Variants in ZGRF1 observed in about 807,000 individuals in gnomAD.
ZGRF1 encodes the protein zinc finger GRF-type containing 1.
In ZGRF1, 196 loss-of-function variants were observed where a neutral mutation model predicts 203.5. The observed-to-expected ratio is 0.96, with a 90% CI of 0.86 to 1.08. The LOEUF (loss-of-function observed/expected upper bound fraction) is 1.08. Ranked by LOEUF, ZGRF1 falls within the 50% of genes least tolerant of loss-of-function variation. ZGRF1 has a pLI of 0.00. For synonymous variants in ZGRF1, 809 were observed against 841.3 expected (o/e 0.96, Z 0.66); for missense variants, 2,326 against 2,416.3 (o/e 0.96, Z 0.78).
chr4:112,569,182 T>C (rs889020190), intron 16 of ZGRF1, among the ~76,000 whole-genome samples: 2 of 152,282 alleles, frequency 1.3e-5, no homozygotes, highest in Admixed American at 1.3e-4. Flanking sequence ...GTAGCCAAAT[T>C]ATTGTCCAAA....
At chr4:112,575,482 G>C (rs188464608) in intron 16 of ZGRF1, among the ~76,000 whole-genome samples, 45 of 152,264 alleles carry the variant, frequency 3.0e-4, no homozygotes, top group Non-Finnish European at 5.7e-4. Context: ...GTGAGGCATC[G>C]CCTCACCCGG....
At chr4:112,548,044 C>G (rs373434824) in intron 23 of ZGRF1, among the ~76,000 whole-genome samples, 1 of 152,074 alleles carries the variant, frequency 6.6e-6, no homozygotes, top group South Asian at 2.1e-4. Context: ...TGGGCTCAAA[C>G]AATCCTCCCA....
At chr4:112,621,731 A>AT (rs74975594) in intron 4 of ZGRF1, among the ~76,000 whole-genome samples, 88,728 of 148,868 alleles carry the variant, frequency 0.6, 27,064 homozygotes, top group East Asian at 0.86. Flanking sequence ...TAATGAAATG[A>AT]TTTTTTTTTC....
At chr4:112,552,239 T>C (rs55945271) in intron 22 of ZGRF1, among the ~76,000 whole-genome samples, 35,318 of 149,896 alleles carry the variant, frequency 0.24, 5,087 homozygotes, top group South Asian at 0.4. Context: ...ACTGCGCCAC[T>C]GCACTCCAGC....
chr4:112,609,748 A>G (rs1439396731), intron 7 of ZGRF1, among the ~76,000 whole-genome samples: 1 of 151,342 alleles, frequency 6.6e-6, no homozygotes. Flanking sequence ...CAGTGGGCCA[A>G]GATTGCGCCA....
rs190505502 is a variant in ZGRF1, at chr4:112,560,295, T to C, written c.4960+438A>G. On this transcript the variant is annotated intron_variant, in intron 19 of 27. Transcript: ENST00000505019. ...AAGGAAGGCAGGATATTGAAAGCAG[T>C]TTCTGTTATGACCTCCATTTCCTCT... 5.3e-5 allele frequency among the ~76,000 whole-genome samples: 8 copies of C among 152,292 alleles called. No homozygotes were observed. The East Asian group carries it at 1.2e-3, about 22-fold the overall frequency.
At position 112,611,332 on chromosome 4, in the gene ZGRF1, G is replaced by A. The variant is rs374469969; in HGVS notation, c.2667+1192C>T. On this transcript the variant is annotated intron_variant, in intron 7 of 27. Transcript: ENST00000505019. Reference sequence around the variant, plus strand: ...GCAGGAGAATCACTTGAACCTGGGAGATGGAGGCTGCAGTGAGCCAAGATC... The same window carrying A: ...GCAGGAGAATCACTTGAACCTGGGAAATGGAGGCTGCAGTGAGCCAAGATC... 1.7e-4 allele frequency among the ~76,000 whole-genome samples: 26 copies of A among 152,328 alleles called. No individual in the cohort carries two copies. The East Asian group carries it at 4.8e-3, about 28-fold the overall frequency.
At chr4:112,576,750 C>A (rs1279148584) in intron 16 of ZGRF1, among the ~76,000 whole-genome samples, 1 of 152,066 alleles carries the variant, frequency 6.6e-6, no homozygotes, top group Non-Finnish European at 1.5e-5. Context: ...AAGAAATGAA[C>A]CAAGCCTCCA....
At chr4:112,560,475 A>G (rs528774615) in intron 19 of ZGRF1, among the ~76,000 whole-genome samples, 71 of 152,208 alleles carry the variant, frequency 4.7e-4, no homozygotes, top group Non-Finnish European at 8.4e-4. Context: ...AGCAACATGT[A>G]AACATCTAGA....
intron 3 of ZGRF1, among the ~76,000 whole-genome samples, chr4:112,625,623 G>A (rs1292189365): frequency 1.3e-5 from 2 of 148,366 alleles, no homozygotes; most frequent in African/African-American, 5.0e-5. Context: ...CATGCCAGGC[G>A]TGGTGGCTCA....
chr4:112,607,378 CCT>C (rs1286571281), intron 8 of ZGRF1, among the ~76,000 whole-genome samples: 12 of 152,262 alleles, frequency 7.9e-5, no homozygotes, highest in East Asian at 5.8e-4. Flanking sequence ...AAATGATACC[CCT>C]GTCTTGGCTT....
intron 4 of ZGRF1, among the ~76,000 whole-genome samples, chr4:112,622,757 C>T (rs948764359): frequency 6.6e-6 from 1 of 152,088 alleles, no homozygotes. Context: ...CTTTAGTTCT[C>T]TTTCCATGCT....
At chr4:112,617,115 C>T (rs1040394832) in intron 6 of ZGRF1, among the ~76,000 whole-genome samples, 1 of 152,038 alleles carries the variant, frequency 6.6e-6, no homozygotes. Flanking sequence ...GACATATACA[C>T]ACACATACAT....
chr4:112,613,702 G>T (rs981890058), intron 6 of ZGRF1, among the ~76,000 whole-genome samples: 21 of 152,158 alleles, frequency 1.4e-4, no homozygotes, highest in African/African-American at 4.8e-4. Flanking sequence ...AGAAAAGTTG[G>T]CAAGCCTGCA....
chr4:112,575,588 G>A (rs773915806), intron 16 of ZGRF1, among the ~76,000 whole-genome samples: 13 of 152,312 alleles, frequency 8.5e-5, no homozygotes, highest in South Asian at 4.1e-4. Flanking sequence ...CTAATACTGC[G>A]CTTTTCCAAC....
At chr4:112,576,098 G>A (rs1171732298) in intron 16 of ZGRF1, among the ~76,000 whole-genome samples, 1 of 152,170 alleles carries the variant, frequency 6.6e-6, no homozygotes, top group Non-Finnish European at 1.5e-5. Context: ...GGAACAATCA[G>A]GCAGCAACAT....
At chr4:112,561,260 C>A (rs1741923019) in intron 18 of ZGRF1, 2 of 404,398 alleles carry the variant, frequency 4.9e-6, no homozygotes, top group Non-Finnish European at 9.1e-6. Context: ...ATCTTCACAA[C>A]AACACTAGGA....
Position 112,587,392 on chromosome 4 carries a change from A to C in ZGRF1, c.3665T>G (p.Val1222Gly). The C allele has an allele frequency of 6.2e-7, 1 of 1,613,884 alleles. No homozygotes were observed. The highest frequency in any genetic ancestry group is 8.5e-7 in the Non-Finnish European group (1 of 1,179,848). ...QRQDFSSQDSVSRKKVLSLNL... is the reference protein window; with the variant it reads ...QRQDFSSQDSGSRKKVLSLNL... Reference sequence around the variant, plus strand: ...CAGAGAAAGTACTTTCTTTCTGGAAACCGAATCTTGACTGCTAAAATCCTG... The same window carrying C: ...CAGAGAAAGTACTTTCTTTCTGGAACCCGAATCTTGACTGCTAAAATCCTG... Residue 1222 changes from valine to glycine, a missense_variant, in exon 12 of 28, where the codon GTT becomes GGT. By Grantham distance (109) the Val-to-Gly change is moderately radical. Transcript: ENST00000505019.
intron 16 of ZGRF1, among the ~76,000 whole-genome samples, chr4:112,574,041 G>A (rs1744698003): frequency 6.6e-6 from 1 of 152,170 alleles, no homozygotes; most frequent in Non-Finnish European, 1.5e-5. Flanking sequence ...AACTGATAGA[G>A]CCACTTTGGA....
Sources: allele counts gnomAD v4.1 joint callset (sites outside exome capture counted in the v4.1 genomes callset), GRCh38; gene constraint gnomAD v4.1.1; transcripts MANE v1.5; gene names NCBI Gene and HGNC (gene_info 2026-07-23, HGNC 2026-07-21).